RBFOX1: variants seen among roughly 807,000 people sequenced by gnomAD.
RBFOX1 encodes RNA binding fox-1 homolog 1.
Under a neutral mutation model 57.7 loss-of-function variants are expected in RBFOX1, and 8 were observed. The observed-to-expected ratio is 0.14, with a 90% CI of 0.08 to 0.25. RBFOX1 has a LOEUF of 0.25. Ranked by LOEUF, RBFOX1 falls within the 10% of genes least tolerant of loss-of-function variation. RBFOX1 has a pLI of 1.00. For missense variants in RBFOX1, 611 were observed against 548.5 expected (o/e 1.11, Z -1.14); for synonymous variants, 326 against 222.4 (o/e 1.47, Z -4.15).
intron 2 of RBFOX1, among the ~76,000 whole-genome samples, chr16:6,346,558 TA>T (rs1161555924): frequency 6.6e-6 from 1 of 152,234 alleles, no homozygotes; most frequent in Non-Finnish European, 1.5e-5. Flanking sequence ...TTTCTGTCCA[TA>T]AAGGCTGACT....
chr16:6,092,486 T>G (rs2096189386), intron 1 of RBFOX1: 1 of 152,248 alleles, frequency 6.6e-6, no homozygotes, highest in Admixed American at 6.5e-5. Context: ...CTCTGTGGAC[T>G]AGACATCTTC....
At chr16:6,437,415 C>T (rs972934556) in intron 2 of RBFOX1, among the ~76,000 whole-genome samples, 24 of 152,136 alleles carry the variant, frequency 1.6e-4, no homozygotes, top group Middle Eastern at 3.4e-3. Flanking sequence ...TTTCTTTTCC[C>T]TTGGTTCTAA....
At chr16:6,026,511 C>G (rs1391328184) in intron 1 of RBFOX1, among the ~76,000 whole-genome samples, 1 of 152,196 alleles carries the variant, frequency 6.6e-6, no homozygotes, top group Admixed American at 6.5e-5. Context: ...TGCACATGGC[C>G]TCTTTTGCTG....
At chr16:7,013,033 C>G (rs1199286183) in intron 3 of RBFOX1, among the ~76,000 whole-genome samples, 1 of 152,102 alleles carries the variant, frequency 6.6e-6, no homozygotes, top group East Asian at 1.9e-4. Context: ...CAAGCCCTCT[C>G]TTTCTCTCCT....
At chr16:7,196,103 C>T (rs77773784) in intron 4 of RBFOX1, among the ~76,000 whole-genome samples, 4 of 151,880 alleles carry the variant, frequency 2.6e-5, no homozygotes, top group African/African-American at 9.7e-5. Flanking sequence ...TTGCTCTTTT[C>T]TCTTCATCAT....
At chr16:6,581,549 A>G (rs909592348) in intron 2 of RBFOX1, among the ~76,000 whole-genome samples, 2 of 152,166 alleles carry the variant, frequency 1.3e-5, no homozygotes, top group African/African-American at 4.8e-5. Flanking sequence ...GTGAGTGCCA[A>G]CAGGGGATGG....
At chr16:7,581,867 T>G (rs2093791217) in intron 6 of RBFOX1, among the ~76,000 whole-genome samples, 1 of 151,984 alleles carries the variant, frequency 6.6e-6, no homozygotes, top group Admixed American at 6.6e-5. Context: ...CAAGCCACCA[T>G]GCTTGGCTAA....
In RBFOX1 at chr16:6,097,268, C is replaced by G. The variant is rs1196264391; in HGVS notation, c.-127+77276C>G. 2.0e-5 allele frequency among the ~76,000 whole-genome samples: 3 copies of G among 152,146 alleles called. No individual in the cohort carries two copies. The highest frequency in any genetic ancestry group is 7.2e-5 in the African/African-American group (3 of 41,432). ...TCTTTTTGTTTATAAATTACTCAGTCTCATGTATGTCTTTATCAGCAGCAT... is the reference window on the plus strand; with the variant it reads ...TCTTTTTGTTTATAAATTACTCAGTGTCATGTATGTCTTTATCAGCAGCAT... On this transcript the variant is annotated intron_variant, in intron 1 of 15. Coordinates refer to ENST00000550418, the MANE Select transcript of RBFOX1 (RefSeq NM_018723.4). This position sits in a 1 kb window ranked among gnomAD's most constrained non-coding sequence, Gnocchi z 5.0.
intron 3 of RBFOX1, among the ~76,000 whole-genome samples, chr16:6,770,794 T>C (rs1381692941): frequency 6.6e-6 from 1 of 152,138 alleles, no homozygotes; most frequent in Non-Finnish European, 1.5e-5. Context: ...GAAGTTACTC[T>C]TTATATGACA....
chr16:6,335,918 G>T (rs2083596441), intron 2 of RBFOX1, among the ~76,000 whole-genome samples: 1 of 150,528 alleles, frequency 6.6e-6, no homozygotes, highest in South Asian at 2.1e-4. Context: ...TCCAGGTATT[G>T]CCTGGTTTTC....
At chr16:5,752,779 C>T (rs1429052381) in intron 3 of RBFOX1, among the ~76,000 whole-genome samples, 3 of 152,184 alleles carry the variant, frequency 2.0e-5, no homozygotes, top group African/African-American at 4.8e-5. Context: ...TTCATACTCA[C>T]TCCTCTACTT....
At chr16:7,038,987 G>C (rs558712622) in intron 3 of RBFOX1, among the ~76,000 whole-genome samples, 5 of 152,234 alleles carry the variant, frequency 3.3e-5, no homozygotes, top group South Asian at 4.1e-4. Flanking sequence ...CTTATAGCCA[G>C]AGCAGTGACT....
At chr16:6,810,163 A>T (rs2088099901) in intron 3 of RBFOX1, among the ~76,000 whole-genome samples, 1 of 152,024 alleles carries the variant, frequency 6.6e-6, no homozygotes, top group Admixed American at 6.6e-5. Flanking sequence ...GGGATTACGG[A>T]TCACTCTCAT....
intron 4 of RBFOX1, among the ~76,000 whole-genome samples, chr16:7,265,197 G>A (rs935790527): frequency 6.6e-6 from 1 of 152,048 alleles, no homozygotes; most frequent in Admixed American, 6.6e-5. Context: ...CCATAGACAG[G>A]GTGGCTTAGA....
chr16:7,467,197 G>T (rs1228871128), intron 4 of RBFOX1, among the ~76,000 whole-genome samples: 1 of 152,150 alleles, frequency 6.6e-6, no homozygotes, highest in African/African-American at 2.4e-5. Context: ...GCTAATATAA[G>T]AATTCTGAGT....
rs551176166 is a variant in RBFOX1 at position 5,985,851 on chromosome 16, C to A, written c.351+118516C>A. Reference sequence around the variant, plus strand: ...CAGAAAGGCCAGGTGCTCTACAACCCAAGCAATAATGGCTTGGCCATCACA... The same window carrying A: ...CAGAAAGGCCAGGTGCTCTACAACCAAAGCAATAATGGCTTGGCCATCACA... On this transcript the variant is annotated intron_variant, in intron 4 of 19. Coordinates refer to the RBFOX1 transcript ENST00000641259. 1.3e-3 allele frequency among the ~76,000 whole-genome samples: 205 copies of A among 152,114 alleles called. 1 individual carries two copies. Among genetic ancestry groups the A allele is most frequent in the Non-Finnish European group, 2.7e-3 (181 of 68,020 alleles).
At chr16:7,221,329 C>A (rs1054661746) in intron 4 of RBFOX1, among the ~76,000 whole-genome samples, 1 of 125,674 alleles carries the variant, frequency 8.0e-6, no homozygotes, top group African/African-American at 2.6e-5. Flanking sequence ...CTTGTTTATT[C>A]TTTATTTTTA....
At chr16:7,676,524 C>T (rs1597848035) in intron 13 of RBFOX1, among the ~76,000 whole-genome samples, 1 of 152,178 alleles carries the variant, frequency 6.6e-6, no homozygotes, top group South Asian at 2.1e-4. Flanking sequence ...CATTTTCTTC[C>T]AAGGGCCTCT....
At chr16:6,492,370 C>T (rs997512537) in intron 2 of RBFOX1, among the ~76,000 whole-genome samples, 1 of 152,130 alleles carries the variant, frequency 6.6e-6, no homozygotes, top group South Asian at 2.1e-4. Flanking sequence ...GAGTTCAAGA[C>T]CAGCCTGGCC....
Sources: gnomAD v4.1 joint callset for allele counts (sites outside exome capture counted in the v4.1 genomes callset) on GRCh38, gnomAD v4.1.1 for gene constraint, Gnocchi (gnomAD v3.1) non-coding constraint, MANE v1.5 for transcripts, NCBI Gene and HGNC (gene_info 2026-07-23, HGNC 2026-07-21) for gene names.